KIAA1328: variants seen among roughly 807,000 people sequenced by gnomAD.
The protein encoded by KIAA1328 is KIAA1328, also known as protein hinderin.
KIAA1328 carries 52 observed loss-of-function variants against 68.1 expected under a neutral mutation model. The ratio of observed to expected loss-of-function variants is 0.76; its 90% CI spans 0.61 to 0.96. The LOEUF (loss-of-function observed/expected upper bound fraction) is 0.96. Ranked by LOEUF, KIAA1328 falls within the 40% of genes least tolerant of loss-of-function variation. The probability of loss-of-function intolerance (pLI) is 0.00; values close to 1 mark genes in which losing one functional copy is unlikely to be tolerated. For missense variants in KIAA1328, 641 were observed against 677.6 expected (o/e 0.95, Z 0.60); for synonymous variants, 232 against 239.4 (o/e 0.97, Z 0.28).
intron 6 of KIAA1328, among the ~76,000 whole-genome samples, chr18:36,997,437 T>A (rs1343607561): frequency 6.6e-6 from 1 of 152,134 alleles, no homozygotes; most frequent in Non-Finnish European, 1.5e-5. Context: ...CAGCAGCCCA[T>A]AACTCTAGTC....
intron 9 of KIAA1328, among the ~76,000 whole-genome samples, chr18:37,216,386 C>A (rs566731859): frequency 6.6e-6 from 1 of 152,130 alleles, no homozygotes; most frequent in African/African-American, 2.4e-5. Flanking sequence ...TTTCTTTCTG[C>A]CTTCATTTTG....
intron 7 of KIAA1328, among the ~76,000 whole-genome samples, chr18:37,134,395 A>C (rs1451585872): frequency 2.0e-5 from 3 of 152,186 alleles, no homozygotes; most frequent in Non-Finnish European, 4.4e-5. Flanking sequence ...TGTTTACTGT[A>C]ATATGTAAAT....
chr18:36,853,029 ACT>A (rs1195384893), intron 4 of KIAA1328, among the ~76,000 whole-genome samples: 1 of 151,906 alleles, frequency 6.6e-6, no homozygotes, highest in African/African-American at 2.4e-5. Context: ...TGAGGAATTG[ACT>A]CTCTCTGCCT....
At chr18:36,949,295 A>G (rs1260993279) in intron 5 of KIAA1328, among the ~76,000 whole-genome samples, 2 of 152,226 alleles carry the variant, frequency 1.3e-5, no homozygotes, top group African/African-American at 4.8e-5. Context: ...ATGGTTTTTA[A>G]TAGAAATGTT....
chr18:37,168,543 G>A (rs1263370568), intron 8 of KIAA1328, among the ~76,000 whole-genome samples: 1 of 152,126 alleles, frequency 6.6e-6, no homozygotes, highest in Non-Finnish European at 1.5e-5. Context: ...CAAAGAAACT[G>A]CAGTACATAA....
chr18:37,197,584 T>C (rs776953902), intron 9 of KIAA1328, among the ~76,000 whole-genome samples: 11 of 152,116 alleles, frequency 7.2e-5, no homozygotes, highest in Non-Finnish European at 1.2e-4. Flanking sequence ...TGAGATTAAT[T>C]CAAAGTCTAT....
chr18:36,845,513 GGAGAATACCTGAAATATTA>G (rs1186947040), intron 4 of KIAA1328, among the ~76,000 whole-genome samples: 1 of 151,696 alleles, frequency 6.6e-6, no homozygotes, highest in Non-Finnish European at 1.5e-5. Context: ...TGCCAAGCTT[GGAGAATACCTGAAATATTA>G]GAGCATTAAG....
At chr18:37,191,763 G>GTTCTT (rs2059908518) in intron 9 of KIAA1328, among the ~76,000 whole-genome samples, 1 of 151,916 alleles carries the variant, frequency 6.6e-6, no homozygotes, top group Non-Finnish European at 1.5e-5. Context: ...TCAAGAATTA[G>GTTCTT]GGAAACAGTT....
intron 4 of KIAA1328, among the ~76,000 whole-genome samples, chr18:36,879,272 C>T (rs1256628388): frequency 6.6e-6 from 1 of 151,966 alleles, no homozygotes; most frequent in African/African-American, 2.4e-5. Flanking sequence ...TTCTAATAGT[C>T]AGTCCCCTCT....
Position 36,851,874 on chromosome 18 carries a change from A to G in KIAA1328, c.332+7572A>G, listed in dbSNP as rs368844010. 1.6e-4 allele frequency among the ~76,000 whole-genome samples: 24 copies of G among 151,920 alleles called. No individual in the cohort carries two copies. In the East Asian group the frequency reaches 4.3e-3, roughly 27 times the overall value. Reference sequence around the variant, plus strand: ...TCTAGTTCCTTAAGGTGTAAAGTTAAGTTACTGATTTGAGATCTCTTTTTT... The same window carrying G: ...TCTAGTTCCTTAAGGTGTAAAGTTAGGTTACTGATTTGAGATCTCTTTTTT... On this transcript the variant is annotated intron_variant, in intron 4 of 9. Transcript: ENST00000280020.
At chr18:37,192,874 G>A (rs2059932431) in intron 9 of KIAA1328, among the ~76,000 whole-genome samples, 1 of 152,082 alleles carries the variant, frequency 6.6e-6, no homozygotes, top group Non-Finnish European at 1.5e-5. Flanking sequence ...GATCAAAGGA[G>A]GTAATTTTTA....
At chr18:36,878,726 T>G (rs1426289203) in intron 4 of KIAA1328, among the ~76,000 whole-genome samples, 1 of 152,228 alleles carries the variant, frequency 6.6e-6, no homozygotes, top group Non-Finnish European at 1.5e-5. Flanking sequence ...TCATTCTTTT[T>G]TTCTCTAATC....
chr18:37,042,607 T>C (rs1306960508), intron 6 of KIAA1328, among the ~76,000 whole-genome samples: 1 of 152,246 alleles, frequency 6.6e-6, no homozygotes, highest in African/African-American at 2.4e-5. Flanking sequence ...AGATGTCAGC[T>C]GTTAAATGTA....
At chr18:36,971,485 C>T (rs189868189) in intron 6 of KIAA1328, among the ~76,000 whole-genome samples, 476 of 152,086 alleles carry the variant, frequency 3.1e-3, no homozygotes, top group Non-Finnish European at 5.6e-3. Flanking sequence ...CAGAATTAGC[C>T]AGGTGTGGTG....
At chr18:37,095,745 C>CACTAACTAAG (rs1158561467) in intron 7 of KIAA1328, among the ~76,000 whole-genome samples, 1 of 151,496 alleles carries the variant, frequency 6.6e-6, no homozygotes, top group Non-Finnish European at 1.5e-5. Flanking sequence ...GTTGATAAAC[C>CACTAACTAAG]ACTAACTAAG....
At chr18:37,028,462 A>G (rs2054685387) in intron 6 of KIAA1328, among the ~76,000 whole-genome samples, 1 of 151,496 alleles carries the variant, frequency 6.6e-6, no homozygotes, top group Admixed American at 6.6e-5. Context: ...ATAAAAACAT[A>G]TAGTCTGTGA....
intron 7 of KIAA1328, among the ~76,000 whole-genome samples, chr18:37,155,687 G>C (rs533467990): frequency 6.6e-6 from 1 of 152,054 alleles, no homozygotes; most frequent in Non-Finnish European, 1.5e-5. Flanking sequence ...GAGCCTTTCA[G>C]TGACTCCACC....
chr18:37,139,105 C>T (rs1215822105), intron 7 of KIAA1328, among the ~76,000 whole-genome samples: 1 of 151,652 alleles, frequency 6.6e-6, no homozygotes. Context: ...TACAGGTGCC[C>T]GCCACCATGC....
Position 37,222,191 on chromosome 18 carries a change from G to T in KIAA1328, c.1698G>T (p.Glu566Asp). Residue 566 changes from glutamate to aspartate, a missense_variant, in exon 10 of 10, where the codon GAG becomes GAT. Coordinates refer to ENST00000280020, the MANE Select transcript of KIAA1328 (RefSeq NM_020776.3). ...TGCACAGAACCCCTGAAGAGTTGGA[G>T]GAGAATCAGATTCTGGAAGATATAT... ...MGMHRTPEEL[E>D]ENQILEDIFF... The T allele has an allele frequency of 6.3e-7, 1 of 1,591,830 alleles. No individual in the cohort carries two copies. Among genetic ancestry groups the T allele is most frequent in the East Asian group, 2.3e-5 (1 of 44,008 alleles).
Sources: gnomAD v4.1 joint callset for allele counts (sites outside exome capture counted in the v4.1 genomes callset) on GRCh38, gnomAD v4.1.1 for gene constraint, MANE v1.5 for transcripts, NCBI Gene and HGNC (gene_info 2026-07-23, HGNC 2026-07-21) for gene names.